Variants in EBF3 observed in about 807,000 individuals in gnomAD.
The protein encoded by EBF3 is transcription factor COE3.
In EBF3, 18 loss-of-function variants were observed where a neutral mutation model predicts 77.1. The observed-to-expected ratio is 0.23, with a 90% CI of 0.16 to 0.35. The LOEUF is 0.35. EBF3 is among the 10% of genes least tolerant of loss of function. The pLI is 1.00. For synonymous variants in EBF3, 350 were observed against 343.5 expected (o/e 1.02, Z -0.21); for missense variants, 558 against 860.0 (o/e 0.65, Z 4.39).
chr10:129,934,034 C>T lies in EBF3; in HGVS notation c.554+23224G>A, dbSNP rs1984105. Among the ~76,000 whole-genome samples, 1,339 of 152,278 alleles carry T rather than the reference C, an allele frequency of 8.8e-3. 79 individuals are homozygous for T. Among genetic ancestry groups the T allele is most frequent in the Admixed American group, 0.076 (1,163 of 15,304 alleles). On this transcript the variant is annotated intron_variant, in intron 6 of 16. Transcript: ENST00000440978. Reference sequence around the variant, plus strand: ...AGATTTAGCAAATAAAAATACAGGGCACCCAGTTAAATGTGAATTTCGGAG... The same window carrying T: ...AGATTTAGCAAATAAAAATACAGGGTACCCAGTTAAATGTGAATTTCGGAG...
chr10:129,880,523 A>T (rs1046136415), intron 6 of EBF3, among the ~76,000 whole-genome samples: 1 of 152,208 alleles, frequency 6.6e-6, no homozygotes, highest in African/African-American at 2.4e-5. Flanking sequence ...ACACACATGC[A>T]TTCTTGCTTG....
chr10:129,942,011 A>G (rs1857783019), intron 6 of EBF3, among the ~76,000 whole-genome samples: 1 of 152,088 alleles, frequency 6.6e-6, no homozygotes, highest in Non-Finnish European at 1.5e-5. Context: ...CACCCCATTT[A>G]AAAGCAGTGG....
intron 6 of EBF3, among the ~76,000 whole-genome samples, chr10:129,891,525 C>T (rs542872988): frequency 6.9e-4 from 105 of 152,312 alleles, no homozygotes; most frequent in African/African-American, 2.4e-3. Flanking sequence ...TGTCCTAAGG[C>T]CGTTCTTCAC....
intron 6 of EBF3, among the ~76,000 whole-genome samples, chr10:129,888,709 A>G (rs1211351292): frequency 6.6e-6 from 1 of 152,264 alleles, no homozygotes; most frequent in Admixed American, 6.5e-5. Flanking sequence ...GCTATTAGGT[A>G]TATTAATAAT....
intron 16 of EBF3, 109 bp downstream of exon 16, chr10:129,838,974 G>T: frequency 1.9e-6 from 2 of 1,076,226 alleles, no homozygotes; most frequent in Non-Finnish European, 2.5e-6. Flanking sequence ...CGACCCTGGT[G>T]TGGTGCCCGC....
chr10:129,837,768 A>ATAGTT lies in EBF3; in HGVS notation c.*170_*174dup. Reference sequence around the variant, plus strand: ...TAGGCTGTTTGCATGTTGATTCTTAATAGTTTAAATAAAATCTTTAAACAA... The same window carrying ATAGTT: ...TAGGCTGTTTGCATGTTGATTCTTAATAGTTTAGTTTAAATAAAATCTTTAAACAA... On this transcript the variant is annotated 3_prime_UTR_variant, in exon 17 of 17. Transcript: ENST00000440978. The ATAGTT allele has an allele frequency of 9.3e-6, 7 of 755,460 alleles. No individual in the cohort carries two copies. Among genetic ancestry groups the ATAGTT allele is most frequent in the South Asian group, 7.5e-5 (4 of 53,590 alleles). 46.8% of individuals were successfully genotyped at this position (755,460 alleles called of 1,614,324 possible). A position where few individuals can be genotyped will look rare whatever the true frequency, so the allele number is the denominator to read the frequency against.
intron 10 of EBF3, among the ~76,000 whole-genome samples, chr10:129,866,247 G>A (rs1852005883): frequency 6.6e-6 from 1 of 152,118 alleles, no homozygotes; most frequent in Admixed American, 6.5e-5. Flanking sequence ...TCACCATCCT[G>A]AGTAGCTAGG....
chr10:129,840,915 G>A lies in EBF3; in HGVS notation c.1490C>T (p.Ala497Val). The A allele has an allele frequency of 6.2e-7, 1 of 1,614,168 alleles. No individual in the cohort carries two copies. Among genetic ancestry groups the A allele is most frequent in the East Asian group, 2.2e-5 (1 of 44,874 alleles). Reference sequence around the variant, plus strand: ...GCCAGGGACCCCTAGACTGGCCATGGCGCCACTTCCATATCCATTCATGCT... The same window carrying A: ...GCCAGGGACCCCTAGACTGGCCATGACGCCACTTCCATATCCATTCATGCT... Reference protein sequence around the residue: ...STSMNGYGSGAMASLGVPGSP... With the variant: ...STSMNGYGSGVMASLGVPGSP... The change falls in exon 14 of 17, where the codon GCC becomes GTC. Residue 497 changes from alanine to valine, a missense_variant. Transcript: ENST00000440978.
chr10:129,946,105 C>A (rs918642277), intron 6 of EBF3, among the ~76,000 whole-genome samples: 1 of 152,062 alleles, frequency 6.6e-6, no homozygotes, highest in African/African-American at 2.4e-5. Flanking sequence ...GGGAATAAAT[C>A]AAAACATGAT....
chr10:129,873,385 A>G lies in EBF3; in HGVS notation c.781+67T>C, dbSNP rs1017612864. Reference sequence around the variant, plus strand: ...TGGTGAGAGTAACTCCACATGAATGAACATAAAGGATGGTGCAAAGAAAAA... The same window carrying G: ...TGGTGAGAGTAACTCCACATGAATGGACATAAAGGATGGTGCAAAGAAAAA... On this transcript the variant is annotated intron_variant, in intron 8 of 16. Transcript: ENST00000440978. 15 of 1,417,514 alleles carry G rather than the reference A, an allele frequency of 1.1e-5. No individual in the cohort carries two copies. The African/African-American group carries it at 2.2e-4, about 21-fold the overall frequency. The allele number at this position is 1,417,514 out of a possible 1,614,324, so 87.8% of individuals were successfully genotyped here. A position where few individuals can be genotyped will look rare whatever the true frequency, so the allele number is the denominator to read the frequency against.
At chr10:129,865,003 A>C (rs569838789) in intron 10 of EBF3, among the ~76,000 whole-genome samples, 5 of 152,338 alleles carry the variant, frequency 3.3e-5, no homozygotes, top group Admixed American at 2.0e-4. Flanking sequence ...TTGGGACCAC[A>C]GGAGTAAGCA....
At chr10:129,917,671 A>AAAAAAAAAAAAAAAAAAAAAAAAAAAAC (rs1855984622) in intron 6 of EBF3, among the ~76,000 whole-genome samples, 1 of 149,972 alleles carries the variant, frequency 6.7e-6, no homozygotes, top group Non-Finnish European at 1.5e-5. Flanking sequence ...AAAAAAAAAA[A>AAAAAAAAAAAAAAAAAAAAAAAAAAAAC]AAAAAAAACT....
At chr10:129,840,183 C>CCCAACCAA in intron 15 of EBF3, 62 bp downstream of exon 15, 27 of 1,325,366 alleles carry the variant, frequency 2.0e-5, no homozygotes, top group East Asian at 2.6e-5. Flanking sequence ...CCCCCACCCC[C>CCCAACCAA]ACTCCCATCC....
At chr10:129,868,003 C>G in intron 8 of EBF3, 91 bp from the exon 9 acceptor site, 4 of 1,542,036 alleles carry the variant, frequency 2.6e-6, no homozygotes, top group Non-Finnish European at 3.5e-6. Flanking sequence ...GCGGCCACCG[C>G]GGGAGGAGAG....
chr10:129,956,400 A>G (rs1030639315), intron 6 of EBF3, among the ~76,000 whole-genome samples: 1 of 152,180 alleles, frequency 6.6e-6, no homozygotes, highest in African/African-American at 2.4e-5. Context: ...AGTCAATCAC[A>G]CGCTGGGCCT....
At chr10:129,925,261 G>C (rs181437288) in intron 6 of EBF3, among the ~76,000 whole-genome samples, 4 of 151,900 alleles carry the variant, frequency 2.6e-5, no homozygotes, top group East Asian at 1.9e-4. Context: ...GTGAGGGTGG[G>C]GGTGCAAGGA....
At chr10:129,868,089 A>T (rs1329951888) in intron 8 of EBF3, among the ~76,000 whole-genome samples, 177 bp from the exon 9 acceptor site, 1 of 152,254 alleles carries the variant, frequency 6.6e-6, no homozygotes, top group Non-Finnish European at 1.5e-5. Flanking sequence ...CAAACTATTA[A>T]ATGTTTTATA....
intron 10 of EBF3, among the ~76,000 whole-genome samples, chr10:129,853,099 C>G (rs974223311): frequency 6.6e-6 from 1 of 152,188 alleles, no homozygotes; most frequent in African/African-American, 2.4e-5. Context: ...GGAGACCAGC[C>G]CAGCCAGCGA....
chr10:129,956,789 A>G lies in EBF3; in HGVS notation c.554+469T>C, dbSNP rs1055361428. On this transcript the variant is annotated intron_variant, in intron 6 of 16. Coordinates refer to ENST00000440978, the MANE Select transcript of EBF3 (RefSeq NM_001375380.1). ...CGACAGCTACAATTGGAAAAAAATTAGGACACATTTTGCAACTAATTGAGA... is the reference window on the plus strand; with the variant it reads ...CGACAGCTACAATTGGAAAAAAATTGGGACACATTTTGCAACTAATTGAGA... Among the ~76,000 whole-genome samples, 25 of 152,236 alleles carry G rather than the reference A, an allele frequency of 1.6e-4. 1 individual carries two copies. Among genetic ancestry groups the G allele is most frequent in the Non-Finnish European group, 1.0e-4 (7 of 68,040 alleles).
Sources: gnomAD v4.1 joint callset for allele counts (sites outside exome capture counted in the v4.1 genomes callset) on GRCh38, gnomAD v4.1.1 for gene constraint, MANE v1.5 for transcripts, NCBI Gene and HGNC (gene_info 2026-07-23, HGNC 2026-07-21) for gene names.